DYNC1I1: variants seen among roughly 807,000 people sequenced by gnomAD.
DYNC1I1 encodes cytoplasmic dynein 1 intermediate chain 1.
In DYNC1I1, 43 loss-of-function variants were observed where a neutral mutation model predicts 86.6. That is an observed-to-expected ratio of 0.50 (90% CI 0.39 to 0.64). The LOEUF (loss-of-function observed/expected upper bound fraction) is 0.64, where lower values mean the gene tolerates loss of function less well. Among genes scored for constraint, DYNC1I1 ranks in the 30% least tolerant of loss-of-function variants. The pLI is 0.00. For synonymous variants in DYNC1I1, 262 were observed against 283.7 expected (o/e 0.92, Z 0.77); for missense variants, 604 against 788.8 (o/e 0.77, Z 2.81).
At chr7:96,047,752 T>C (rs555298921) in intron 14 of DYNC1I1, among the ~76,000 whole-genome samples, 16 of 152,218 alleles carry the variant, frequency 1.1e-4, no homozygotes, top group African/African-American at 3.9e-4. Flanking sequence ...GAGACCTGAG[T>C]ATATTTGCGG....
At position 95,984,986 on chromosome 7, in the gene DYNC1I1, C is replaced by G. The variant is rs779417241; in HGVS notation, c.743+9C>G. 2 of 1,609,522 alleles carry G rather than the reference C, an allele frequency of 1.2e-6. No individual in the cohort carries two copies. Among genetic ancestry groups the G allele is most frequent in the Admixed American group, 3.4e-5 (2 of 59,102 alleles). On this transcript the variant is annotated intron_variant, in intron 8 of 16. Coordinates refer to ENST00000447467, the MANE Select transcript of DYNC1I1 (RefSeq NM_001135556.2). The stretch of plus-strand genomic sequence containing the variant: ...TTAGAGGAAAAAGATGGGTTAGTCT[C>G]TTGTGTGCATTCTTTAAAAAATAGC...
intron 11 of DYNC1I1, 60 bp from the exon 12 acceptor site, chr7:96,032,607 T>A (rs901025982): frequency 1.7e-5 from 22 of 1,313,240 alleles, no homozygotes; most frequent in Non-Finnish European, 2.4e-5. Context: ...TGTTTGACAC[T>A]CAAATGTAAG....
intron 14 of DYNC1I1, among the ~76,000 whole-genome samples, chr7:96,073,062 A>G (rs79883544): frequency 4.6e-4 from 70 of 152,336 alleles, no homozygotes; most frequent in Non-Finnish European, 7.3e-5. Flanking sequence ...ACAGATGTCA[A>G]CCTACATGGT....
intron 6 of DYNC1I1, among the ~76,000 whole-genome samples, chr7:95,928,233 A>G (rs534432486): frequency 3.7e-4 from 57 of 152,298 alleles, no homozygotes; most frequent in African/African-American, 1.3e-3. Flanking sequence ...TTGCTGTTAA[A>G]TTGTAGTTCC....
At chr7:95,832,752 C>T (rs1033157447) in intron 5 of DYNC1I1, among the ~76,000 whole-genome samples, 1 of 152,090 alleles carries the variant, frequency 6.6e-6, no homozygotes, top group African/African-American at 2.4e-5. Flanking sequence ...TGTTTTTTGG[C>T]TGCATAAATG....
chr7:95,958,004 C>T (rs1287693081), intron 6 of DYNC1I1, among the ~76,000 whole-genome samples: 1 of 152,142 alleles, frequency 6.6e-6, no homozygotes, highest in Non-Finnish European at 1.5e-5. Flanking sequence ...CTAATCTTGG[C>T]ATTATTGGTA....
rs201637420 is a variant in DYNC1I1 at position 95,982,295 on chromosome 7, A to AATGTATCTT, written c.581-2519_581-2511dup. 4.3e-3 allele frequency among the ~76,000 whole-genome samples: 648 copies of AATGTATCTT among 152,330 alleles called. 3 individuals carry two copies. Among genetic ancestry groups the AATGTATCTT allele is most frequent in the African/African-American group, 0.015 (623 of 41,596 alleles). On this transcript the variant is annotated intron_variant, in intron 7 of 16. Transcript: ENST00000447467. ...TGTTTGACATCAAAGCTTAATATAA[A>AATGTATCTT]ATGTATCTTTTGTTTGCTTCTGTAG...
intron 6 of DYNC1I1, among the ~76,000 whole-genome samples, chr7:95,930,202 G>A: frequency 6.6e-6 from 1 of 152,088 alleles, no homozygotes; most frequent in East Asian, 1.9e-4. Context: ...AGAGCTTTTG[G>A]GCACAGTGGT....
intron 15 of DYNC1I1, among the ~76,000 whole-genome samples, chr7:96,077,202 G>C (rs1380846283): frequency 6.6e-6 from 1 of 151,654 alleles, no homozygotes; most frequent in Admixed American, 6.6e-5. Context: ...GAAGCCCACA[G>C]CTGGAGGATC....
At chr7:95,799,846 A>G (rs973061710) in intron 1 of DYNC1I1, among the ~76,000 whole-genome samples, 10 of 151,980 alleles carry the variant, frequency 6.6e-5, no homozygotes, top group African/African-American at 2.4e-4. Flanking sequence ...TTTTTAAATG[A>G]TTGCAGTGAA....
chr7:96,039,231 T>G (rs1788963818), intron 13 of DYNC1I1, 46 bp from the exon 14 acceptor site: 1 of 1,561,270 alleles, frequency 6.4e-7, no homozygotes, highest in South Asian at 1.2e-5. Flanking sequence ...CAATCATTGC[T>G]TTTCAGAGGT....
intron 5 of DYNC1I1, among the ~76,000 whole-genome samples, chr7:95,846,775 A>T (rs934268626): frequency 1.3e-5 from 2 of 152,144 alleles, no homozygotes; most frequent in African/African-American, 4.8e-5. Context: ...AGTCCTTCAG[A>T]TGTTACACCT....
intron 6 of DYNC1I1, among the ~76,000 whole-genome samples, chr7:95,872,346 A>G (rs185276416): frequency 1.3e-5 from 2 of 152,346 alleles, no homozygotes; most frequent in East Asian, 1.9e-4. Context: ...GTTGCCCACA[A>G]TGTAAGAAGG....
At chr7:95,841,557 G>A (rs963938665) in intron 5 of DYNC1I1, among the ~76,000 whole-genome samples, 13 of 152,108 alleles carry the variant, frequency 8.5e-5, no homozygotes, top group African/African-American at 2.4e-4. Flanking sequence ...CCCCAGTTAG[G>A]TGAGTTAGTA....
At chr7:95,905,501 T>A (rs1238402820) in intron 6 of DYNC1I1, among the ~76,000 whole-genome samples, 1 of 152,186 alleles carries the variant, frequency 6.6e-6, no homozygotes, top group African/African-American at 2.4e-5. Context: ...TTCCTCTAAG[T>A]TTAGCAACTA....
intron 6 of DYNC1I1, among the ~76,000 whole-genome samples, chr7:95,906,296 G>C (rs1016520820): frequency 2.6e-5 from 4 of 152,090 alleles, no homozygotes; most frequent in Non-Finnish European, 4.4e-5. Flanking sequence ...ATCCCCTTGA[G>C]CTACGGTTTC....
At chr7:95,773,443 G>T (rs1314191337) in intron 1 of DYNC1I1, among the ~76,000 whole-genome samples, 2 of 152,124 alleles carry the variant, frequency 1.3e-5, no homozygotes, top group African/African-American at 4.8e-5. Context: ...ATAAATCCGT[G>T]CGTCGTCATC....
intron 6 of DYNC1I1, among the ~76,000 whole-genome samples, chr7:95,958,761 T>C (rs916985013): frequency 6.6e-5 from 10 of 152,204 alleles, no homozygotes; most frequent in African/African-American, 2.2e-4. Flanking sequence ...TCAGAATACA[T>C]TGACAAAAAG....
intron 6 of DYNC1I1, among the ~76,000 whole-genome samples, chr7:95,967,317 G>A (rs148018799): frequency 7.2e-5 from 11 of 152,240 alleles, no homozygotes; most frequent in Admixed American, 2.0e-4. Context: ...AAGAAATCCC[G>A]CCAACAGGTA....
Sources: gnomAD v4.1 joint callset for allele counts (sites outside exome capture counted in the v4.1 genomes callset) on GRCh38, gnomAD v4.1.1 for gene constraint, MANE v1.5 for transcripts, NCBI Gene and HGNC (gene_info 2026-07-23, HGNC 2026-07-21) for gene names.